Variants in PPFIA1 observed in about 807,000 individuals in gnomAD.
The protein encoded by PPFIA1 is PPFI scaffold protein A1, also known as liprin-alpha-1.
A neutral mutation model predicts 149.9 loss-of-function variants in PPFIA1; 25 were observed. The ratio of observed to expected loss-of-function variants is 0.17; its 90% CI spans 0.12 to 0.23. The LOEUF (loss-of-function observed/expected upper bound fraction) is 0.23, where lower values mean the gene tolerates loss of function less well. PPFIA1 is among the 10% of genes least tolerant of loss of function. The pLI, the probability that PPFIA1 is intolerant of heterozygous loss-of-function variation, is 1.00. For synonymous variants in PPFIA1, 549 were observed against 552.8 expected, an observed-to-expected ratio of 0.99 and a Z score of 0.10; for missense variants, 1,362 against 1,506.5, an observed-to-expected ratio of 0.90 and a Z score of 1.59.
chr11:70,277,319 G>T (rs1182853773), intron 2 of PPFIA1, among the ~76,000 whole-genome samples: 1 of 151,570 alleles, frequency 6.6e-6, no homozygotes, highest in Non-Finnish European at 1.5e-5. Context: ...GCTTTTAGCT[G>T]CATCTTACAA....
intron 9 of PPFIA1, among the ~76,000 whole-genome samples, 174 bp from the exon 10 acceptor site, chr11:70,333,296 G>C (rs74373959): frequency 0.021 from 3,231 of 152,318 alleles, 123 homozygotes; most frequent in African/African-American, 0.075. Context: ...GCCACCTCAT[G>C]GCCCAGCACG....
chr11:70,283,997 C>A (rs549537039), intron 2 of PPFIA1: 2 of 533,430 alleles, frequency 3.7e-6, no homozygotes, highest in African/African-American at 1.9e-5. Flanking sequence ...AAAGTACTTG[C>A]GGATTTTGCT....
At chr11:70,288,122 T>G (rs961088665) in intron 2 of PPFIA1, among the ~76,000 whole-genome samples, 1 of 151,190 alleles carries the variant, frequency 6.6e-6, no homozygotes, top group Admixed American at 6.6e-5. Flanking sequence ...TCGCCCAGGC[T>G]GGAGTGCAGT....
chr11:70,284,364 G>A (rs1256910825), intron 2 of PPFIA1, among the ~76,000 whole-genome samples: 2 of 152,032 alleles, frequency 1.3e-5, no homozygotes, highest in Non-Finnish European at 2.9e-5. Flanking sequence ...TCTCTCTTTT[G>A]CACACACTGA....
At chr11:70,311,120 A>G (rs1246662286) in intron 2 of PPFIA1, among the ~76,000 whole-genome samples, 2 of 151,830 alleles carry the variant, frequency 1.3e-5, no homozygotes, top group African/African-American at 4.8e-5. Context: ...GACCAGCCTG[A>G]CCAACATGGA....
Position 70,295,489 on chromosome 11 carries a change from C to T in PPFIA1, c.264+23053C>T, listed in dbSNP as rs566738734. ...GGCGCCCCTCACCTCCTGGACGGGGCGGCTGGCCGGGTGGGGGGGCTGACC... is the reference window on the plus strand; with the variant it reads ...GGCGCCCCTCACCTCCTGGACGGGGTGGCTGGCCGGGTGGGGGGGCTGACC... On this transcript the variant is annotated intron_variant, in intron 2 of 27. Transcript: ENST00000253925. Among the ~76,000 whole-genome samples the T allele has an allele frequency of 1.6e-3, 217 of 131,842 alleles. 2 individuals carry two copies. The highest frequency in any genetic ancestry group is 5.8e-3 in the African/African-American group (199 of 34,416). 86.5% of individuals were successfully genotyped at this position (131,842 alleles called of 152,430 possible). A position where few individuals can be genotyped will look rare whatever the true frequency, so the allele number is the denominator to read the frequency against.
At position 70,383,530 on chromosome 11, in the gene PPFIA1, GT is replaced by G. The variant is rs1340091978; in HGVS notation, c.*542del. The stretch of plus-strand genomic sequence containing the variant: ...TAAGCATACCTAATTTCAAGCAATT[GT>G]TGTATTTTCATGACTGACCTTAACT... On this transcript the variant is annotated 3_prime_UTR_variant, in exon 28 of 28. Transcript: ENST00000253925. 6.4e-6 allele frequency: 1 copy of G among 156,478 alleles called. No individual in the cohort carries two copies. The highest frequency in any genetic ancestry group is 2.4e-5 in the African/African-American group (1 of 41,442). 9.7% of individuals were successfully genotyped at this position (156,478 alleles called of 1,614,324 possible). A position where few individuals can be genotyped will look rare whatever the true frequency, so the allele number is the denominator to read the frequency against.
At chr11:70,302,457 G>C (rs1250189657) in intron 2 of PPFIA1, among the ~76,000 whole-genome samples, 1 of 152,196 alleles carries the variant, frequency 6.6e-6, no homozygotes, top group African/African-American at 2.4e-5. Flanking sequence ...GAGTCTGGGC[G>C]GGCAGAGGGA....
chr11:70,278,426 G>T (rs979098085), intron 2 of PPFIA1, among the ~76,000 whole-genome samples: 10 of 152,112 alleles, frequency 6.6e-5, no homozygotes, highest in African/African-American at 2.4e-4. Context: ...CGAATTCATT[G>T]TTTTTTTAGC....
At position 70,356,203 on chromosome 11, in the gene PPFIA1, G is replaced by C; in HGVS notation, c.2531G>C (p.Gly844Ala). 6.2e-7 allele frequency: 1 copy of C among 1,613,874 alleles called. No individual in the cohort carries two copies. The highest frequency in any genetic ancestry group is 8.5e-7 in the Non-Finnish European group (1 of 1,180,010). ...ETDNSSQDAL[G>A]LSKLGGQAEK... is the part of the protein sequence containing the mutation. ...GATAACTCATCTCAGGATGCCTTGGGACTTAGCAAATTGGGGGGACAGGCT... is the reference window on the plus strand; with the variant it reads ...GATAACTCATCTCAGGATGCCTTGGCACTTAGCAAATTGGGGGGACAGGCT... The change falls in exon 19 of 28, where the codon GGA (glycine) becomes GCA (alanine). Residue 844 changes from glycine (G) to alanine (A), a missense_variant. Around this residue, in one of 7 missense-constraint regions of PPFIA1, gnomAD observed 91 missense variants for 91.2 expected, o/e 1.00. Transcript: ENST00000253925.
intron 9 of PPFIA1, among the ~76,000 whole-genome samples, chr11:70,332,371 C>A (rs2054717586): frequency 1.3e-5 from 2 of 152,056 alleles, no homozygotes; most frequent in Non-Finnish European, 2.9e-5. Context: ...GTTTTGGTCA[C>A]CAGCTTAAGC....
At chr11:70,341,412 G>C (rs963293318) in intron 14 of PPFIA1, among the ~76,000 whole-genome samples, 3 of 151,888 alleles carry the variant, frequency 2.0e-5, no homozygotes, top group Non-Finnish European at 2.9e-5. Flanking sequence ...AAGAGAGGAA[G>C]TCAAAGATGA....
chr11:70,376,022 C>G (rs1343424475), intron 24 of PPFIA1, among the ~76,000 whole-genome samples: 1 of 151,492 alleles, frequency 6.6e-6, no homozygotes, highest in Non-Finnish European at 1.5e-5. Context: ...GAGTTTCGCT[C>G]TTGTTGCCCA....
intron 2 of PPFIA1, among the ~76,000 whole-genome samples, chr11:70,294,835 A>G (rs1299139408): frequency 6.6e-6 from 1 of 151,538 alleles, no homozygotes; most frequent in Non-Finnish European, 1.5e-5. Flanking sequence ...CCCTGAGTGG[A>G]CACAGCACAT....
chr11:70,278,904 G>T, intron 2 of PPFIA1: 1 of 555,042 alleles, frequency 1.8e-6, no homozygotes, highest in South Asian at 1.7e-5. Flanking sequence ...AAGGAATCCA[G>T]GCAGCCTTTA....
At chr11:70,350,380 C>G (rs918195669) in intron 16 of PPFIA1, among the ~76,000 whole-genome samples, 2 of 152,128 alleles carry the variant, frequency 1.3e-5, no homozygotes, top group Admixed American at 6.5e-5. Context: ...CATCAACTAT[C>G]TCTAATAGGT....
chr11:70,370,396 T>G (rs2057171521), intron 21 of PPFIA1, among the ~76,000 whole-genome samples: 1 of 151,868 alleles, frequency 6.6e-6, no homozygotes, highest in Non-Finnish European at 1.5e-5. Flanking sequence ...TTTAATTTTT[T>G]TTAATTTTGA....
At chr11:70,322,343 A>G (rs913872894) in intron 2 of PPFIA1, among the ~76,000 whole-genome samples, 3 of 152,210 alleles carry the variant, frequency 2.0e-5, no homozygotes, top group African/African-American at 7.2e-5. Context: ...TCAGAGATGT[A>G]AATCGGTATT....
At position 70,372,609 on chromosome 11, in the gene PPFIA1, C is replaced by T. The variant is rs767890996; in HGVS notation, c.3139+35C>T. On this transcript the variant is annotated intron_variant, in intron 23 of 27. Transcript: ENST00000253925. ...TGACATTTAATTGATTCGGTTTACT[C>T]CTACTTGCTGGTGTGTTTGGAGCCT... The T allele has an allele frequency of 2.4e-5, 37 of 1,534,432 alleles. No individual in the cohort carries two copies. In the Admixed American group the frequency reaches 5.5e-4, roughly 23 times the overall value.
Sources: gnomAD v4.1 joint callset for allele counts (sites outside exome capture counted in the v4.1 genomes callset) on GRCh38, gnomAD v4.1.1 for gene constraint, gnomAD v4.1.1 regional missense constraint, MANE v1.5 for transcripts, NCBI Gene and HGNC (gene_info 2026-07-23, HGNC 2026-07-21) for gene names.